Variants in MACROD2 observed in about 807,000 individuals in gnomAD.
The protein encoded by MACROD2 is mono-ADP ribosylhydrolase 2, also known as ADP-ribose glycohydrolase MACROD2.
A neutral mutation model predicts 70.4 loss-of-function variants in MACROD2; 36 were observed. That is an observed-to-expected ratio of 0.51 (90% confidence interval 0.39 to 0.68). The LOEUF is 0.68. MACROD2 is among the 30% of genes least tolerant of loss of function. The pLI, the probability that MACROD2 is intolerant of heterozygous loss-of-function variation, is 0.00. For missense variants in MACROD2, 496 were observed against 538.4 expected (o/e 0.92, Z 0.78); for synonymous variants, 172 against 178.8 (o/e 0.96, Z 0.30).
At chr20:15,877,698 A>C (rs1277026459) in intron 9 of MACROD2, among the ~76,000 whole-genome samples, 1 of 152,082 alleles carries the variant, frequency 6.6e-6, no homozygotes, top group Non-Finnish European at 1.5e-5. Context: ...ACAAAGCTTT[A>C]TTTTTGCTAA....
intron 6 of MACROD2, among the ~76,000 whole-genome samples, chr20:15,271,452 A>G (rs2077345648): frequency 6.6e-6 from 1 of 152,188 alleles, no homozygotes; most frequent in Non-Finnish European, 1.5e-5. Context: ...ATAGCAGACA[A>G]TCTCTTTCCA....
chr20:14,741,486 A>C (rs997905932), intron 5 of MACROD2, among the ~76,000 whole-genome samples: 2 of 152,122 alleles, frequency 1.3e-5, no homozygotes, highest in African/African-American at 4.8e-5. Flanking sequence ...TACTATATGC[A>C]ATCCTGAAAT....
At chr20:14,503,045 C>T (rs779679435) in intron 4 of MACROD2, among the ~76,000 whole-genome samples, 11 of 152,110 alleles carry the variant, frequency 7.2e-5, no homozygotes, top group Non-Finnish European at 1.5e-4. Context: ...GGACAGGACA[C>T]GTGATGAGGC....
At chr20:15,153,987 GAGGGTGCATTTTTCAA>G (rs2076289621) in intron 5 of MACROD2, among the ~76,000 whole-genome samples, 1 of 152,154 alleles carries the variant, frequency 6.6e-6, no homozygotes, top group Non-Finnish European at 1.5e-5. Flanking sequence ...CTTGCTGTTT[GAGGGTGCATTTTTCAA>G]AGGATTTTAG....
intron 8 of MACROD2, among the ~76,000 whole-genome samples, chr20:15,771,163 CTCT>C (rs1206366839): frequency 2.6e-5 from 4 of 152,018 alleles, no homozygotes; most frequent in South Asian, 2.1e-4. Flanking sequence ...GGTCAAATGT[CTCT>C]TCTTCTTGTG....
At chr20:14,757,694 A>C in intron 5 of MACROD2, 1 of 1,454,832 alleles carries the variant, frequency 6.9e-7, no homozygotes, top group Non-Finnish European at 9.6e-7. Flanking sequence ...CCTTCCTGTC[A>C]TAAAGGCCAT....
At chr20:14,039,707 G>C (rs761499600) in intron 2 of MACROD2, among the ~76,000 whole-genome samples, 2 of 151,964 alleles carry the variant, frequency 1.3e-5, no homozygotes, top group Non-Finnish European at 2.9e-5. Context: ...AACCTGTATA[G>C]CCAGTGTGTT....
chr20:14,691,178 A>G (rs566281523), intron 5 of MACROD2, among the ~76,000 whole-genome samples: 2 of 152,304 alleles, frequency 1.3e-5, no homozygotes, highest in East Asian at 3.9e-4. Flanking sequence ...TCAGCCTCCC[A>G]AAGTGTGGGA....
rs147862759 is a variant in MACROD2 at position 15,733,276 on chromosome 20, T to C, written c.646-129469T>C. ...TAGCCTGGCAAAAGGCTTATCACTT[T>C]TGTTGAGCTCTTCAAAGAACCAGTT... On this transcript the variant is annotated intron_variant, in intron 8 of 17. Transcript: ENST00000684519. Among the ~76,000 whole-genome samples, 19 of 152,302 alleles carry C rather than the reference T, an allele frequency of 1.2e-4. No individual in the cohort carries two copies. The East Asian group carries it at 3.7e-3, about 29-fold the overall frequency.
chr20:14,437,844 A>T (rs1440465630), intron 3 of MACROD2, among the ~76,000 whole-genome samples: 1 of 152,184 alleles, frequency 6.6e-6, no homozygotes, highest in Non-Finnish European at 1.5e-5. Context: ...TGTATATTTA[A>T]GATACAAAAC....
chr20:15,087,767 G>A (rs1196205249), intron 5 of MACROD2, among the ~76,000 whole-genome samples: 2 of 151,806 alleles, frequency 1.3e-5, no homozygotes, highest in Non-Finnish European at 2.9e-5. Flanking sequence ...AAATATGAGT[G>A]GGAAAAATAT....
chr20:15,013,306 A>G (rs1392932944), intron 5 of MACROD2, among the ~76,000 whole-genome samples: 1 of 152,110 alleles, frequency 6.6e-6, no homozygotes, highest in Non-Finnish European at 1.5e-5. Context: ...GAGAATTTAT[A>G]AAGAGGAATA....
chr20:14,550,901 C>T (rs1978609726), intron 4 of MACROD2, among the ~76,000 whole-genome samples: 3 of 150,514 alleles, frequency 2.0e-5, no homozygotes, highest in African/African-American at 7.3e-5. Flanking sequence ...TTTTTGAGGC[C>T]TAATGATGCT....
At chr20:14,319,918 C>T (rs551354170) in intron 3 of MACROD2, among the ~76,000 whole-genome samples, 2 of 152,180 alleles carry the variant, frequency 1.3e-5, no homozygotes, top group African/African-American at 4.8e-5. Flanking sequence ...TAATACTCAC[C>T]TCTTAGATGT....
At chr20:15,229,240 A>C (rs1264411719) in intron 5 of MACROD2, among the ~76,000 whole-genome samples, 1 of 152,234 alleles carries the variant, frequency 6.6e-6, no homozygotes, top group Non-Finnish European at 1.5e-5. Context: ...TGTATTTTTC[A>C]ACATAAATAG....
intron 3 of MACROD2, among the ~76,000 whole-genome samples, chr20:14,178,570 A>G (rs545307034): frequency 6.6e-6 from 1 of 152,280 alleles, no homozygotes; most frequent in African/African-American, 2.4e-5. Context: ...TTAGTTATGT[A>G]CATGGATTGA....
intron 3 of MACROD2, among the ~76,000 whole-genome samples, chr20:14,467,788 C>T (rs1453712695): frequency 5.3e-5 from 8 of 152,000 alleles, no homozygotes; most frequent in Non-Finnish European, 1.0e-4. Context: ...TAGCTGTGTC[C>T]CAAGGATTCT....
intron 6 of MACROD2, among the ~76,000 whole-genome samples, chr20:15,419,240 G>C (rs1281413253): frequency 6.6e-6 from 1 of 152,194 alleles, no homozygotes; most frequent in Non-Finnish European, 1.5e-5. Flanking sequence ...ACCAGGGCAA[G>C]GGCAAGGAAT....
At chr20:14,229,265 C>G (rs2081777170) in intron 3 of MACROD2, among the ~76,000 whole-genome samples, 2 of 152,168 alleles carry the variant, frequency 1.3e-5, no homozygotes, top group Admixed American at 1.3e-4. Context: ...GTGAAAGACA[C>G]TGTTAAGAGA....
Sources: gnomAD v4.1 joint callset for allele counts (sites outside exome capture counted in the v4.1 genomes callset) on GRCh38, gnomAD v4.1.1 for gene constraint, MANE v1.5 for transcripts, NCBI Gene and HGNC (gene_info 2026-07-23, HGNC 2026-07-21) for gene names.